The following NYAP2 variants were observed in gnomAD, a reference collection of about 807,000 sequenced individuals.
NYAP2 encodes the protein neuronal tyrosine-phosphorylated phosphoinositide-3-kinase adaptor 2.
Under a neutral mutation model 50.4 loss-of-function variants are expected in NYAP2, and 23 were observed. The observed-to-expected ratio is 0.46, with a 90% CI of 0.33 to 0.65. The LOEUF (loss-of-function observed/expected upper bound fraction) is 0.65. Ranked by LOEUF, NYAP2 falls within the 30% of genes least tolerant of loss-of-function variation. NYAP2 has a pLI of 0.02. For missense variants in NYAP2, 885 were observed against 861.0 expected (o/e 1.03, Z -0.35); for synonymous variants, 394 against 365.2 (o/e 1.08, Z -0.90).
chr2:225,519,557 TG>T (rs1691009617), intron 4 of NYAP2, among the ~76,000 whole-genome samples: 1 of 151,838 alleles, frequency 6.6e-6, no homozygotes, highest in African/African-American at 2.4e-5. Context: ...TTACTGAGAA[TG>T]ATGATTTCCA....
At chr2:225,630,603 T>G (rs114395488) in intron 6 of NYAP2, among the ~76,000 whole-genome samples, 5,570 of 152,294 alleles carry the variant, frequency 0.037, 337 homozygotes, top group African/African-American at 0.12. Flanking sequence ...CATCTGGAAA[T>G]GAAATCAAAA....
chr2:225,545,462 C>G (rs575504130), intron 4 of NYAP2, among the ~76,000 whole-genome samples: 1 of 152,154 alleles, frequency 6.6e-6, no homozygotes, highest in African/African-American at 2.4e-5. Context: ...ATCAATTCTG[C>G]TATTAAGTGA....
At chr2:225,521,290 G>A (rs867411455) in intron 4 of NYAP2, among the ~76,000 whole-genome samples, 1 of 151,614 alleles carries the variant, frequency 6.6e-6, no homozygotes. Flanking sequence ...AATTGCCCTG[G>A]CCAGAACTTC....
intron 4 of NYAP2, among the ~76,000 whole-genome samples, chr2:225,519,839 A>T (rs1273213156): frequency 6.6e-6 from 1 of 152,190 alleles, no homozygotes; most frequent in Non-Finnish European, 1.5e-5. Flanking sequence ...TCCCTGAGGA[A>T]TCGCCACACT....
chr2:225,402,778 A>G (rs1456360717), intron 2 of NYAP2, among the ~76,000 whole-genome samples: 2 of 152,022 alleles, frequency 1.3e-5, no homozygotes, highest in Non-Finnish European at 2.9e-5. Flanking sequence ...GAATGAGAAA[A>G]TGAGTGTGAC....
chr2:225,615,808 G>A (rs1220128329), intron 5 of NYAP2, among the ~76,000 whole-genome samples: 3 of 152,276 alleles, frequency 2.0e-5, no homozygotes, highest in Admixed American at 6.5e-5. Context: ...GGGCCTTCTC[G>A]TTGACCTGCT....
At chr2:225,597,510 G>A (rs1484207790) in intron 5 of NYAP2, among the ~76,000 whole-genome samples, 1 of 13,684 alleles carries the variant, frequency 7.3e-5, no homozygotes, top group African/African-American at 1.5e-4. Flanking sequence ...ATTCCAAGGA[G>A]AAATATATAT....
intron 5 of NYAP2, among the ~76,000 whole-genome samples, chr2:225,609,627 T>C (rs1336724475): frequency 2.0e-5 from 3 of 152,122 alleles, no homozygotes; most frequent in East Asian, 1.9e-4. Context: ...CCTTGTCCCA[T>C]GTTGAGAGGT....
At chr2:225,632,532 G>A (rs982555554) in intron 6 of NYAP2, among the ~76,000 whole-genome samples, 1 of 152,198 alleles carries the variant, frequency 6.6e-6, no homozygotes, top group Non-Finnish European at 1.5e-5. Context: ...CTGAAGTAAA[G>A]CAAATGTGTC....
At chr2:225,616,921 G>T (rs1272488885) in intron 5 of NYAP2, among the ~76,000 whole-genome samples, 1 of 152,142 alleles carries the variant, frequency 6.6e-6, no homozygotes, top group African/African-American at 2.4e-5. Context: ...AATCTGCCTT[G>T]ATCACTTCTC....
At chr2:225,444,281 A>G (rs892827758) in intron 3 of NYAP2, among the ~76,000 whole-genome samples, 3 of 152,226 alleles carry the variant, frequency 2.0e-5, no homozygotes, top group Non-Finnish European at 4.4e-5. Context: ...CATGGCCAGA[A>G]TCAATACAAG....
At chr2:225,561,067 G>T (rs2106215720) in intron 4 of NYAP2, among the ~76,000 whole-genome samples, 1 of 151,544 alleles carries the variant, frequency 6.6e-6, no homozygotes, top group Non-Finnish European at 1.5e-5. Flanking sequence ...CTACTATCGT[G>T]GAACTTATGT....
At chr2:225,596,876 A>G (rs939800935) in intron 5 of NYAP2, among the ~76,000 whole-genome samples, 1 of 152,204 alleles carries the variant, frequency 6.6e-6, no homozygotes, top group Admixed American at 6.5e-5. Flanking sequence ...CAGCAAAATT[A>G]TTAGCTAGAT....
chr2:225,693,856 C>T, the NYAP2 span, among the ~76,000 whole-genome samples: 10 of 152,012 alleles, frequency 6.6e-5, no homozygotes, highest in Non-Finnish European at 1.0e-4. Context: ...AGTTACTTTC[C>T]TCCTAGCTTT....
chr2:225,613,591 A>G (rs1692936360), intron 5 of NYAP2, among the ~76,000 whole-genome samples: 1 of 152,234 alleles, frequency 6.6e-6, no homozygotes, highest in Non-Finnish European at 1.5e-5. Context: ...TAAGGAGTCT[A>G]GTGCAGCATC....
intron 3 of NYAP2, among the ~76,000 whole-genome samples, chr2:225,481,096 G>C (rs1038140122): frequency 6.6e-6 from 1 of 152,058 alleles, no homozygotes; most frequent in East Asian, 1.9e-4. Context: ...GGAAAACTCA[G>C]AGAAATGTAG....
intron 3 of NYAP2, among the ~76,000 whole-genome samples, chr2:225,449,049 A>G (rs1689606893): frequency 6.6e-6 from 1 of 152,220 alleles, no homozygotes; most frequent in African/African-American, 2.4e-5. Flanking sequence ...CATACAGAAT[A>G]TATTTATAAT....
At chr2:225,637,860 GAATGTA>G (rs2106263959) in intron 6 of NYAP2, among the ~76,000 whole-genome samples, 1 of 152,250 alleles carries the variant, frequency 6.6e-6, no homozygotes, top group African/African-American at 2.4e-5. Flanking sequence ...TCTAGAGTTT[GAATGTA>G]AATAAACAGG....
intron 5 of NYAP2, among the ~76,000 whole-genome samples, chr2:225,596,702 A>T (rs1015817787): frequency 6.6e-6 from 1 of 152,226 alleles, no homozygotes; most frequent in Non-Finnish European, 1.5e-5. Context: ...TGCCAAGATC[A>T]ACAGTAGTTA....
Sources: gnomAD v4.1 joint callset for allele counts (sites outside exome capture counted in the v4.1 genomes callset) on GRCh38, gnomAD v4.1.1 for gene constraint, MANE v1.5 for transcripts, NCBI Gene and HGNC (gene_info 2026-07-23, HGNC 2026-07-21) for gene names.